Variants in MAML2 observed in about 807,000 individuals in gnomAD.
MAML2 encodes mastermind like transcriptional coactivator 2, also known as mastermind-like protein 2.
In MAML2, 22 loss-of-function variants were observed where a neutral mutation model predicts 96.1. That is an observed-to-expected ratio of 0.23 (90% CI 0.16 to 0.33). The LOEUF (loss-of-function observed/expected upper bound fraction) is 0.33. MAML2 is among the 10% of genes least tolerant of loss of function. The probability of loss-of-function intolerance (pLI) is 1.00; values close to 1 mark genes in which losing one functional copy is unlikely to be tolerated. For missense variants in MAML2, 1,367 were observed against 1,392.4 expected (o/e 0.98, Z 0.29); for synonymous variants, 561 against 521.3 (o/e 1.08, Z -1.04).
intron 2 of MAML2, among the ~76,000 whole-genome samples, chr11:96,087,967 T>C (rs1486237435): frequency 6.6e-6 from 1 of 152,236 alleles, no homozygotes; most frequent in Admixed American, 6.5e-5. Context: ...TGTCAGCATA[T>C]GAAAGTTACA....
At chr11:96,213,444 C>T (rs1862000265) in intron 1 of MAML2, among the ~76,000 whole-genome samples, 1 of 152,144 alleles carries the variant, frequency 6.6e-6, no homozygotes, top group Non-Finnish European at 1.5e-5. Flanking sequence ...AACCTTGAGA[C>T]CAAATTTAAC....
intron 2 of MAML2, among the ~76,000 whole-genome samples, chr11:96,082,632 G>T (rs1859545220): frequency 6.6e-6 from 1 of 152,182 alleles, no homozygotes; most frequent in Non-Finnish European, 1.5e-5. Flanking sequence ...CAGGAAGGAG[G>T]TCTGGCAAAA....
intron 2 of MAML2, among the ~76,000 whole-genome samples, chr11:96,090,358 T>C (rs1859683899): frequency 6.6e-6 from 1 of 152,238 alleles, no homozygotes; most frequent in South Asian, 2.1e-4. Flanking sequence ...CAACTTATTC[T>C]AGACTCTGGA....
intron 1 of MAML2, among the ~76,000 whole-genome samples, chr11:96,150,658 G>A (rs1227751903): frequency 1.3e-5 from 2 of 152,064 alleles, no homozygotes; most frequent in East Asian, 1.9e-4. Context: ...ATTAATGAGC[G>A]ACCCATTCCC....
chr11:96,071,504 C>T (rs1446687441), intron 2 of MAML2, among the ~76,000 whole-genome samples: 1 of 152,244 alleles, frequency 6.6e-6, no homozygotes, highest in African/African-American at 2.4e-5. Context: ...TCAGCAGTTG[C>T]TCCTATTTAG....
At chr11:95,984,051 G>C (rs965353426) in intron 4 of MAML2, among the ~76,000 whole-genome samples, 17 of 152,114 alleles carry the variant, frequency 1.1e-4, no homozygotes, top group African/African-American at 3.1e-4. Flanking sequence ...CACGGTAAGG[G>C]CCCTATACAA....
intron 1 of MAML2, among the ~76,000 whole-genome samples, chr11:96,222,508 G>A (rs1333651907): frequency 6.6e-6 from 1 of 152,178 alleles, no homozygotes; most frequent in Non-Finnish European, 1.5e-5. Flanking sequence ...TTGAGCAGCA[G>A]AAGCACTCAG....
intron 2 of MAML2, among the ~76,000 whole-genome samples, chr11:96,002,995 G>A (rs1359681652): frequency 2.0e-5 from 3 of 150,442 alleles, no homozygotes; most frequent in South Asian, 2.2e-4. Flanking sequence ...TGGTGATGAT[G>A]AGGATGATGA....
intron 2 of MAML2, among the ~76,000 whole-genome samples, chr11:96,010,679 A>G (rs1391897493): frequency 6.6e-6 from 1 of 152,226 alleles, no homozygotes; most frequent in African/African-American, 2.4e-5. Context: ...GTAAAACACA[A>G]GAAAAGTTGC....
intron 1 of MAML2, among the ~76,000 whole-genome samples, chr11:96,260,514 C>A (rs1049812057): frequency 6.6e-6 from 1 of 152,134 alleles, no homozygotes; most frequent in Non-Finnish European, 1.5e-5. Flanking sequence ...GAGGGGTGTG[C>A]TTTTGGGACA....
chr11:96,110,558 C>T (rs561280092), intron 1 of MAML2, among the ~76,000 whole-genome samples: 48 of 152,226 alleles, frequency 3.2e-4, no homozygotes, highest in Admixed American at 7.2e-4. Flanking sequence ...TAGGAACTTC[C>T]GTATGCATCT....
At chr11:96,001,005 G>T (rs1858070580) in intron 2 of MAML2, among the ~76,000 whole-genome samples, 1 of 152,176 alleles carries the variant, frequency 6.6e-6, no homozygotes, top group Non-Finnish European at 1.5e-5. Flanking sequence ...AATAGTAGCT[G>T]CTTTCCCCTT....
intron 1 of MAML2, among the ~76,000 whole-genome samples, chr11:96,132,130 C>T (rs552115613): frequency 1.6e-4 from 25 of 152,236 alleles, no homozygotes; most frequent in African/African-American, 5.3e-4. Flanking sequence ...GGTGTGTGCA[C>T]GTACATATTT....
rs779222217 is a variant in MAML2 at position 95,979,301 on chromosome 11, T to C, written c.3118A>G (p.Thr1040Ala). 23 of 1,613,784 alleles carry C rather than the reference T, an allele frequency of 1.4e-5. No homozygotes were observed. In the East Asian group the frequency reaches 4.7e-4, roughly 33 times the overall value. Residue 1040 changes from threonine (T) to alanine (A), a missense_variant, in exon 5 of 5, where the codon ACC becomes GCC. Thr to Ala is a moderately conservative substitution (Grantham distance 58, BLOSUM62 0). Transcript: ENST00000524717. ...TTCAGACCCCTGAGGGGACCCATGG[T>C]TTGCCCATTTAGTGTTTGGCTCATT... is the stretch of plus-strand genomic sequence containing the variant. ...NQMSQTLNGQ[T>A]MGPLRGLNLR... is the part of the protein sequence containing the mutation.
In MAML2 at chr11:95,979,539, G is replaced by T; in HGVS notation, c.2880C>A (p.Asn960Lys). The T allele has an allele frequency of 6.2e-7, 1 of 1,613,850 alleles. No individual in the cohort carries two copies. The highest frequency in any genetic ancestry group is 8.5e-7 in the Non-Finnish European group (1 of 1,179,864). The part of the protein sequence containing the change: ...QRTSNVMITS[N>K]TTAPNWASQE... ...GAGAGGCCCAGTTTGGTGCAGTTGT[G>T]TTGGATGTGATCATTACGTTTGATG... is the stretch of plus-strand genomic sequence containing the variant. The change falls in exon 5 of 5, where the codon AAC becomes AAA. Residue 960 changes from asparagine (N) to lysine (K), a missense_variant. Coordinates refer to ENST00000524717, the MANE Select transcript of MAML2 (RefSeq NM_032427.4).
At chr11:96,076,281 C>T (rs184900531) in intron 2 of MAML2, among the ~76,000 whole-genome samples, 80 of 152,262 alleles carry the variant, frequency 5.3e-4, no homozygotes, top group Middle Eastern at 3.4e-3. Flanking sequence ...GAAACACCAG[C>T]TTTGGAGAGA....
At chr11:96,288,561 A>C (rs902390891) in intron 1 of MAML2, among the ~76,000 whole-genome samples, 16 of 149,526 alleles carry the variant, frequency 1.1e-4, no homozygotes, top group South Asian at 4.2e-4. Flanking sequence ...AAAAAAAAAA[A>C]CAACCAAAAA....
chr11:95,980,879 C>G (rs1033730097), intron 4 of MAML2, among the ~76,000 whole-genome samples: 2 of 152,212 alleles, frequency 1.3e-5, no homozygotes, highest in Admixed American at 6.5e-5. Context: ...GGGTCTCCCC[C>G]ACGCCTTCAA....
intron 2 of MAML2, among the ~76,000 whole-genome samples, chr11:95,999,058 G>A (rs184904153): frequency 1.4e-3 from 212 of 152,210 alleles, no homozygotes; most frequent in Non-Finnish European, 2.2e-3. Context: ...GCAGTTTGAA[G>A]TCCTTTTGTA....
Sources: allele counts gnomAD v4.1 joint callset (sites outside exome capture counted in the v4.1 genomes callset), GRCh38; gene constraint gnomAD v4.1.1; transcripts MANE v1.5; gene names NCBI Gene and HGNC (gene_info 2026-07-23, HGNC 2026-07-21).